JMY: variants seen among roughly 807,000 people sequenced by gnomAD.
The protein encoded by JMY is junction-mediating and -regulatory protein.
In JMY, 46 loss-of-function variants were observed where a neutral mutation model predicts 103.3. The observed-to-expected ratio is 0.45, with a 90% confidence interval of 0.35 to 0.57. JMY has a LOEUF of 0.57. Among genes scored for constraint, JMY ranks in the 20% least tolerant of loss-of-function variants. The pLI is 0.00. For synonymous variants in JMY, 526 were observed against 489.3 expected (o/e 1.07, Z -0.99); for missense variants, 1,238 against 1,255.2 (o/e 0.99, Z 0.21).
At chr5:79,243,259 T>C (rs2112043282) in intron 1 of JMY, among the ~76,000 whole-genome samples, 1 of 152,010 alleles carries the variant, frequency 6.6e-6, no homozygotes, top group South Asian at 2.1e-4. Context: ...AAATAACTTT[T>C]CTAATTTTCT....
intron 10 of JMY, 22 bp from the exon 11 acceptor site, chr5:79,321,584 G>T (rs919121876): frequency 6.6e-6 from 1 of 151,750 alleles, no homozygotes; most frequent in African/African-American, 2.4e-5. Flanking sequence ...TTAATGGTCT[G>T]TATTATTTTG....
intron 2 of JMY, among the ~76,000 whole-genome samples, chr5:79,280,669 T>TACAA (rs1746078644): frequency 6.6e-6 from 1 of 152,248 alleles, no homozygotes; most frequent in Non-Finnish European, 1.5e-5. Flanking sequence ...TGTGTTGTAT[T>TACAA]GCTTTAAAAA....
intron 1 of JMY, among the ~76,000 whole-genome samples, chr5:79,253,237 T>G (rs1379677949): frequency 6.6e-6 from 1 of 152,178 alleles, no homozygotes; most frequent in Non-Finnish European, 1.5e-5. Flanking sequence ...TTGTTGTTGT[T>G]GTTTCTATAT....
In JMY at chr5:79,327,091, T is replaced by G. The variant is rs1747674285; in HGVS notation, c.*5489T>G. On this transcript the variant is annotated 3_prime_UTR_variant, in exon 11 of 11. Coordinates refer to ENST00000396137, the MANE Select transcript of JMY (RefSeq NM_152405.5). The stretch of plus-strand genomic sequence containing the variant: ...CACTCATGACTTCAGAGTTAAGTAC[T>G]TGTACACCAAGTATTGCAATCACCT... The G allele has an allele frequency of 6.6e-6, 1 of 152,252 alleles. No homozygotes were observed. The highest frequency in any genetic ancestry group is 2.1e-4 in the South Asian group (1 of 4,826). The allele number at this position is 152,252 out of a possible 1,614,324, so 9.4% of individuals were successfully genotyped here.
At chr5:79,316,618 GA>G (rs1233664403) in intron 10 of JMY, among the ~76,000 whole-genome samples, 2 of 151,826 alleles carry the variant, frequency 1.3e-5, no homozygotes, top group Non-Finnish European at 2.9e-5. Flanking sequence ...TAAAAAAACA[GA>G]AAAGGGCCTG....
chr5:79,306,600 G>A, intron 7 of JMY, 139 bp downstream of exon 7: 1 of 634,418 alleles, frequency 1.6e-6, no homozygotes. Context: ...GCAGTTTTTA[G>A]GCAAAATTGA....
chr5:79,320,386 C>T (rs1451646840), intron 10 of JMY, among the ~76,000 whole-genome samples: 2 of 151,406 alleles, frequency 1.3e-5, no homozygotes, highest in African/African-American at 4.9e-5. Context: ...GTCAGCCAGG[C>T]TGGAGTGCAG....
rs1257201416 is a variant in JMY at position 79,325,485 on chromosome 5, CATAAA to C, written c.*3886_*3890del. The C allele has an allele frequency of 6.6e-6, 1 of 152,132 alleles. No homozygotes were observed. The highest frequency in any genetic ancestry group is 1.5e-5 in the Non-Finnish European group (1 of 68,010). 9.4% of individuals were successfully genotyped at this position (152,132 alleles called of 1,614,324 possible). A position where few individuals can be genotyped will look rare whatever the true frequency, so the allele number is the denominator to read the frequency against. On this transcript the variant is annotated 3_prime_UTR_variant, in exon 11 of 11. Coordinates refer to ENST00000396137, the MANE Select transcript of JMY (RefSeq NM_152405.5). ...TTATTGCACTAAATGTAAATGATAACATAAAATTAAGTGTGCATTTTAAACAGATT... is the reference window on the plus strand; with the variant it reads ...TTATTGCACTAAATGTAAATGATAACATTAAGTGTGCATTTTAAACAGATT...
Position 79,291,143 on chromosome 5 carries a change from A to C in JMY, c.1371A>C (p.Arg457=). 1 of 1,602,692 alleles carries C rather than the reference A, an allele frequency of 6.2e-7. No individual in the cohort carries two copies. The highest frequency in any genetic ancestry group is 1.1e-5 in the South Asian group (1 of 88,244). The change falls in exon 4 of 11, where the codon CGA becomes CGC. Residue 457 remains arginine (R), a synonymous_variant. Transcript: ENST00000396137. ...AATTATTAATAGCTGTGTATGATCG[A>C]ATGCGAGCTGATCAGAAGAAATTTG... ...TAKAQKAVYD[R]MRADQKKFGK... is the part of the protein sequence containing the mutation.
Position 79,291,233 on chromosome 5 carries a change from A to G in JMY, c.1461A>G (p.Glu487=). Residue 487 remains glutamate, a synonymous_variant, in exon 4 of 11, where the codon GAA becomes GAG. Coordinates refer to ENST00000396137, the MANE Select transcript of JMY (RefSeq NM_152405.5). ...AACTCCAGTATGCAGTTTCTAAGGA[A>G]ACTTTGCAGATGATGAGAGCTAAAG... ...MEKLQYAVSK[E]TLQMMRAKEI... 6.2e-7 allele frequency: 1 copy of G among 1,613,352 alleles called. No individual in the cohort carries two copies. Among genetic ancestry groups the G allele is most frequent in the Non-Finnish European group, 8.5e-7 (1 of 1,179,718 alleles).
At chr5:79,317,995 A>T (rs1747292371) in intron 10 of JMY, among the ~76,000 whole-genome samples, 1 of 152,146 alleles carries the variant, frequency 6.6e-6, no homozygotes, top group Non-Finnish European at 1.5e-5. Context: ...TTCTGAGTAG[A>T]ACAACAAAGA....
intron 5 of JMY, 69 bp downstream of exon 5, chr5:79,300,387 G>T (rs922313699): frequency 2.4e-5 from 33 of 1,385,406 alleles, no homozygotes; most frequent in Non-Finnish European, 3.2e-5. Context: ...TATGGACTAG[G>T]TATGTTTCTT....
At position 79,306,466 on chromosome 5, in the gene JMY, G is replaced by A. The variant is rs780025220; in HGVS notation, c.1968+5G>A. 4 of 1,591,858 alleles carry A rather than the reference G, an allele frequency of 2.5e-6. No individual in the cohort carries two copies. Among genetic ancestry groups the A allele is most frequent in the Non-Finnish European group, 3.4e-6 (4 of 1,163,002 alleles). On this transcript the variant is annotated splice_donor_5th_base_variant and intron_variant, in intron 7 of 10. Coordinates refer to ENST00000396137, the MANE Select transcript of JMY (RefSeq NM_152405.5). The stretch of plus-strand genomic sequence containing the variant: ...ACCCATCACACAGTACAACTAGTAA[G>A]TTTGGATTCGAAGATTTTGAACAAA...
At chr5:79,247,475 A>AT (rs1317024553) in intron 1 of JMY, among the ~76,000 whole-genome samples, 14 of 151,484 alleles carry the variant, frequency 9.2e-5, no homozygotes, top group African/African-American at 2.4e-4. Flanking sequence ...CACCTGGCTA[A>AT]TTTTTTGTAT....
At chr5:79,307,841 CA>C (rs2112113743) in intron 7 of JMY, among the ~76,000 whole-genome samples, 1 of 152,216 alleles carries the variant, frequency 6.6e-6, no homozygotes, top group Non-Finnish European at 1.5e-5. Flanking sequence ...TGGGTTCAAG[CA>C]ATTCTCCTGT....
In JMY at chr5:79,323,341, T is replaced by TTTAG. The variant is rs1747524345; in HGVS notation, c.*1742_*1745dup. On this transcript the variant is annotated 3_prime_UTR_variant, in exon 11 of 11. Coordinates refer to ENST00000396137, the MANE Select transcript of JMY (RefSeq NM_152405.5). Reference sequence around the variant, plus strand: ...TGCAGCATCTTCATAATACATTGGTTTTAGTTCCCACACTATTCCCACATC... The same window carrying TTTAG: ...TGCAGCATCTTCATAATACATTGGTTTTAGTTAGTTCCCACACTATTCCCACATC... 6.6e-6 allele frequency: 1 copy of TTTAG among 152,192 alleles called. No homozygotes were observed. Among genetic ancestry groups the TTTAG allele is most frequent in the African/African-American group, 2.4e-5 (1 of 41,444 alleles). 9.4% of individuals were successfully genotyped at this position (152,192 alleles called of 1,614,324 possible). A position where few individuals can be genotyped will look rare whatever the true frequency, so the allele number is the denominator to read the frequency against.
Position 79,323,972 on chromosome 5 carries a change from G to GC in JMY, c.*2371dup, listed in dbSNP as rs1227546928. ...TAAAGCAGAGTATTGTTGGCAGCCA[G>GC]CTATGCCCATCCTCTTGTAAATAAC... On this transcript the variant is annotated 3_prime_UTR_variant, in exon 11 of 11. Transcript: ENST00000396137. The GC allele has an allele frequency of 2.0e-5, 3 of 152,206 alleles. No individual in the cohort carries two copies. Among genetic ancestry groups the GC allele is most frequent in the African/African-American group, 7.2e-5 (3 of 41,438 alleles). The allele number at this position is 152,206 out of a possible 1,614,324, so 9.4% of individuals were successfully genotyped here.
rs186096559 is a variant in JMY, at chr5:79,325,593, A to C, written c.*3991A>C. 8 of 152,306 alleles carry C rather than the reference A, an allele frequency of 5.3e-5. No individual in the cohort carries two copies. Among genetic ancestry groups the C allele is most frequent in the Admixed American group, 5.2e-4 (8 of 15,304 alleles). 9.4% of individuals were successfully genotyped at this position (152,306 alleles called of 1,614,324 possible). A position where few individuals can be genotyped will look rare whatever the true frequency, so the allele number is the denominator to read the frequency against. Reference sequence around the variant, plus strand: ...ACCAGCAAGATTTATTTCAGATGGAAAAGGGGTGAGAAAGTGGAAGCACCT... The same window carrying C: ...ACCAGCAAGATTTATTTCAGATGGACAAGGGGTGAGAAAGTGGAAGCACCT... On this transcript the variant is annotated 3_prime_UTR_variant, in exon 11 of 11. Transcript: ENST00000396137.
chr5:79,246,620 C>T (rs925332500), intron 1 of JMY, among the ~76,000 whole-genome samples: 15 of 152,282 alleles, frequency 9.9e-5, no homozygotes, highest in Admixed American at 3.3e-4. Context: ...CAGTATCTCA[C>T]GCCTGTAATC....
Sources: allele counts gnomAD v4.1 joint callset (sites outside exome capture counted in the v4.1 genomes callset), GRCh38; gene constraint gnomAD v4.1.1; transcripts MANE v1.5; gene names NCBI Gene and HGNC (gene_info 2026-07-23, HGNC 2026-07-21).